Variants in DNAJC3 observed in about 807,000 individuals in gnomAD.
The protein encoded by DNAJC3 is dnaJ homolog subfamily C member 3.
DNAJC3 carries 38 observed loss-of-function variants against 68.6 expected under a neutral mutation model. The observed-to-expected ratio is 0.55, with a 90% CI of 0.43 to 0.73. The LOEUF is 0.73. DNAJC3 is among the 30% of genes least tolerant of loss of function. The pLI is 0.00. For missense variants in DNAJC3, 526 were observed against 591.9 expected, an observed-to-expected ratio of 0.89 and a Z score of 1.16; for synonymous variants, 203 against 204.0, an observed-to-expected ratio of 1.00 and a Z score of 0.04.
At chr13:95,683,374 T>A (rs1002725198) in intron 1 of DNAJC3, among the ~76,000 whole-genome samples, 2 of 152,288 alleles carry the variant, frequency 1.3e-5, no homozygotes, top group Admixed American at 6.5e-5. Flanking sequence ...GGGAAGTGAT[T>A]GGATCATGGG....
At chr13:95,748,926 G>A (rs1450129656) in intron 4 of DNAJC3, among the ~76,000 whole-genome samples, 2 of 152,176 alleles carry the variant, frequency 1.3e-5, no homozygotes, top group African/African-American at 2.4e-5. Context: ...AGTCATTTTG[G>A]TTATAATTTA....
intron 9 of DNAJC3, among the ~76,000 whole-genome samples, chr13:95,771,769 G>A (rs1488295766): frequency 6.6e-6 from 1 of 152,012 alleles, no homozygotes; most frequent in Non-Finnish European, 1.5e-5. Flanking sequence ...TTATCCTCTT[G>A]TCTCTTACCA....
intron 2 of DNAJC3, among the ~76,000 whole-genome samples, chr13:95,713,283 C>T (rs1029109421): frequency 6.6e-6 from 1 of 152,132 alleles, no homozygotes; most frequent in Admixed American, 6.5e-5. Context: ...GGACTTGATA[C>T]ACAAATAATC....
rs528439217 is a variant in DNAJC3 at position 95,705,098 on chromosome 13, C to T, written c.83-4129C>T. 5.9e-5 allele frequency among the ~76,000 whole-genome samples: 9 copies of T among 151,998 alleles called. No individual in the cohort carries two copies. The East Asian group carries it at 1.6e-3, about 26-fold the overall frequency. On this transcript the variant is annotated intron_variant, in intron 1 of 11. Transcript: ENST00000602402. ...AATTCCTGACCTCAGGTGATCTGTC[C>T]GCCTAGGCCTCCCAAAGTGCTGGGA...
intron 2 of DNAJC3, among the ~76,000 whole-genome samples, chr13:95,722,689 A>G (rs1881361113): frequency 6.6e-6 from 1 of 150,862 alleles, no homozygotes; most frequent in Non-Finnish European, 1.5e-5. Context: ...GAGGTGGCGA[A>G]TACGCCTGTT....
chr13:95,759,863 C>G (rs909650564), intron 5 of DNAJC3, among the ~76,000 whole-genome samples, 177 bp from the exon 6 acceptor site: 3 of 152,142 alleles, frequency 2.0e-5, no homozygotes, highest in Admixed American at 6.5e-5. Context: ...TTTGTCACAT[C>G]AGTTTTGTCA....
In DNAJC3 at chr13:95,786,930, T is replaced by C. The variant is rs17881125; in HGVS notation, c.1209-77T>C. 1.1e-4 allele frequency: 171 copies of C among 1,515,662 alleles called. 2 individuals are homozygous for C. The East Asian group carries it at 3.3e-3, about 29-fold the overall frequency. 93.9% of individuals were successfully genotyped at this position (1,515,662 alleles called of 1,614,324 possible). A position where few individuals can be genotyped will look rare whatever the true frequency, so the allele number is the denominator to read the frequency against. On this transcript the variant is annotated intron_variant, in intron 10 of 11. Transcript: ENST00000602402. Reference sequence around the variant, plus strand: ...GTTTTGTTAATTGCCAGTAGGATCTTAATCAGCTCTTCTGATTTTTATGAT... The same window carrying C: ...GTTTTGTTAATTGCCAGTAGGATCTCAATCAGCTCTTCTGATTTTTATGAT...
chr13:95,790,984 C>T lies in DNAJC3; in HGVS notation c.1469C>T (p.Pro490Leu). 1 of 1,613,574 alleles carries T rather than the reference C, an allele frequency of 6.2e-7. No homozygotes were observed. Among genetic ancestry groups the T allele is most frequent in the East Asian group, 2.2e-5 (1 of 44,838 alleles). ...TGGAACTCATGGCAAGGGTTCAATCCCTTCAGCTCAGGCGGACCATTTAGA... is the reference window on the plus strand; with the variant it reads ...TGGAACTCATGGCAAGGGTTCAATCTCTTCAGCTCAGGCGGACCATTTAGA... ...RSWNSWQGFN[P>L]FSSGGPFRFK... Residue 490 changes from proline (P) to leucine (L), a missense_variant, in exon 12 of 12, where the codon CCC becomes CTC. By Grantham distance (98) the Pro-to-Leu change is moderately conservative (BLOSUM62 -3). Coordinates refer to ENST00000602402, the MANE Select transcript of DNAJC3 (RefSeq NM_006260.5).
chr13:95,704,873 A>C (rs1880687536), intron 1 of DNAJC3, among the ~76,000 whole-genome samples: 1 of 82,488 alleles, frequency 1.2e-5, no homozygotes, highest in East Asian at 3.1e-4. Flanking sequence ...TTTTTTTGAG[A>C]CAGAGTCTCG....
intron 4 of DNAJC3, chr13:95,744,607 A>T (rs969720887): frequency 6.6e-6 from 1 of 152,232 alleles, no homozygotes; most frequent in Admixed American, 6.5e-5. Flanking sequence ...ATTCATATGT[A>T]TGTACTTTGA....
Position 95,786,367 on chromosome 13 carries a change from G to A in DNAJC3, c.1208+296G>A, listed in dbSNP as rs189348060. Among the ~76,000 whole-genome samples, 335 of 152,298 alleles carry A rather than the reference G, an allele frequency of 2.2e-3. 3 individuals carry two copies. The highest frequency in any genetic ancestry group is 3.4e-3 in the Non-Finnish European group (232 of 68,026). ...AAGAAGGGTAAAGGGGTAGGAGTGA[G>A]ATTCCTTTTGGTGGGGATGGAGGAG... On this transcript the variant is annotated intron_variant, in intron 10 of 11. Coordinates refer to ENST00000602402, the MANE Select transcript of DNAJC3 (RefSeq NM_006260.5).
intron 4 of DNAJC3, among the ~76,000 whole-genome samples, chr13:95,734,816 CTT>C (rs34191057): frequency 3.6e-5 from 5 of 137,738 alleles, no homozygotes; most frequent in Non-Finnish European, 3.2e-5. Context: ...TGTTGAAGCT[CTT>C]TTTTTTTTTT....
chr13:95,751,752 C>A (rs892394975), intron 4 of DNAJC3, among the ~76,000 whole-genome samples: 1 of 152,202 alleles, frequency 6.6e-6, no homozygotes, highest in Non-Finnish European at 1.5e-5. Context: ...ACATACCCGA[C>A]ACTGGGTAAT....
rs1555325115 is a variant in DNAJC3, at chr13:95,723,234, A to C, written c.194-8A>C. On this transcript the variant is annotated splice_polypyrimidine_tract_variant and splice_region_variant and intron_variant, in intron 2 of 11. Coordinates refer to ENST00000602402, the MANE Select transcript of DNAJC3 (RefSeq NM_006260.5). The stretch of plus-strand genomic sequence containing the variant: ...ATGACTAAGAGGTAATATTATTTTA[A>C]TTTTCAGATGGTGACCCTGATAACT... The C allele has an allele frequency of 6.4e-7, 1 of 1,572,614 alleles. No individual in the cohort carries two copies. Among genetic ancestry groups the C allele is most frequent in the South Asian group, 1.2e-5 (1 of 83,948 alleles).
intron 1 of DNAJC3, among the ~76,000 whole-genome samples, chr13:95,707,824 A>G (rs1880806185): frequency 6.6e-6 from 1 of 152,176 alleles, no homozygotes; most frequent in South Asian, 2.1e-4. Context: ...TGGGGTTTAG[A>G]GCTTATTGGA....
At position 95,733,012 on chromosome 13, in the gene DNAJC3, T is replaced by C. The variant is rs558081773; in HGVS notation, c.393+7760T>C. Among the ~76,000 whole-genome samples, 23 of 152,314 alleles carry C rather than the reference T, an allele frequency of 1.5e-4. No homozygotes were observed. In the East Asian group the frequency reaches 4.2e-3, roughly 28 times the overall value. Reference sequence around the variant, plus strand: ...GGTCTGAGAAAGTACTTACATGATTTTGATATTTAAAAATTTGTTGATACT... The same window carrying C: ...GGTCTGAGAAAGTACTTACATGATTCTGATATTTAAAAATTTGTTGATACT... On this transcript the variant is annotated intron_variant, in intron 4 of 11. Coordinates refer to ENST00000602402, the MANE Select transcript of DNAJC3 (RefSeq NM_006260.5).
intron 4 of DNAJC3, among the ~76,000 whole-genome samples, chr13:95,731,631 C>T (rs2139648858): frequency 6.6e-6 from 1 of 152,280 alleles, no homozygotes; most frequent in South Asian, 2.1e-4. Flanking sequence ...ATTCTTGCGT[C>T]TCTGGGATAA....
intron 4 of DNAJC3, among the ~76,000 whole-genome samples, chr13:95,726,543 AAG>A (rs1192364869): frequency 2.0e-5 from 3 of 152,178 alleles, no homozygotes; most frequent in Non-Finnish European, 4.4e-5. Context: ...ACATTCTTAA[AAG>A]GGAATTTTGC....
intron 4 of DNAJC3, among the ~76,000 whole-genome samples, chr13:95,752,584 A>G (rs1258397694): frequency 6.6e-6 from 1 of 152,172 alleles, no homozygotes; most frequent in African/African-American, 2.4e-5. Context: ...TTGATGTTCC[A>G]CAAAACTCCA....
Sources: allele counts gnomAD v4.1 joint callset (sites outside exome capture counted in the v4.1 genomes callset), GRCh38; gene constraint gnomAD v4.1.1; transcripts MANE v1.5; gene names NCBI Gene and HGNC (gene_info 2026-07-23, HGNC 2026-07-21).